Variants in CTNNA2 observed in about 807,000 individuals in gnomAD.
CTNNA2 encodes the protein catenin alpha 2, also known as catenin alpha-2.
CTNNA2 carries 42 observed loss-of-function variants against 101.0 expected under a neutral mutation model. That is an observed-to-expected ratio of 0.42 (90% CI 0.32 to 0.54). The LOEUF (loss-of-function observed/expected upper bound fraction) is 0.54. Among genes scored for constraint, CTNNA2 ranks in the 20% least tolerant of loss-of-function variants. The pLI is 0.14. For synonymous variants in CTNNA2, 450 were observed against 456.4 expected (o/e 0.99, Z 0.18); for missense variants, 871 against 1,223.1 (o/e 0.71, Z 4.29).
intron 3 of CTNNA2, among the ~76,000 whole-genome samples, chr2:79,321,967 A>G (rs143313937): frequency 2.0e-5 from 3 of 152,304 alleles, no homozygotes; most frequent in South Asian, 2.1e-4. Flanking sequence ...ATCCCCAACT[A>G]TGCCACTACT....
chr2:79,429,043 T>C (rs1001188344), intron 4 of CTNNA2, among the ~76,000 whole-genome samples: 5 of 152,160 alleles, frequency 3.3e-5, no homozygotes, highest in Admixed American at 3.3e-4. Context: ...CACCTCATTG[T>C]TGCAGGCTAC....
intron 2 of CTNNA2, among the ~76,000 whole-genome samples, chr2:79,657,368 AT>A (rs1229171277): frequency 2.0e-5 from 3 of 151,892 alleles, no homozygotes. Context: ...CTAGAAAAAA[AT>A]AAATTACTAA....
intron 1 of CTNNA2, among the ~76,000 whole-genome samples, chr2:79,577,198 T>C (rs1161859143): frequency 6.6e-6 from 1 of 152,130 alleles, no homozygotes; most frequent in East Asian, 1.9e-4. Context: ...CCTGGTATGA[T>C]TGTTGTTTAC....
At chr2:80,635,030 C>T (rs1200675602) in intron 18 of CTNNA2, among the ~76,000 whole-genome samples, 3 of 152,068 alleles carry the variant, frequency 2.0e-5, no homozygotes, top group Admixed American at 6.6e-5. Context: ...CTCTTCATGT[C>T]AAGAGGTGGT....
intron 8 of CTNNA2, among the ~76,000 whole-genome samples, chr2:80,393,882 C>A (rs146899072): frequency 2.8e-4 from 42 of 152,282 alleles, no homozygotes; most frequent in African/African-American, 1.0e-3. Context: ...CCTTTTTCTC[C>A]TTGAAAGTGT....
intron 4 of CTNNA2, among the ~76,000 whole-genome samples, chr2:79,440,834 A>C (rs905635460): frequency 1.3e-5 from 2 of 152,136 alleles, no homozygotes; most frequent in African/African-American, 4.8e-5. Context: ...CAGGTAGAAC[A>C]CCATAAAGCA....
chr2:79,924,919 G>A (rs1229171939), intron 7 of CTNNA2, among the ~76,000 whole-genome samples: 1 of 152,048 alleles, frequency 6.6e-6, no homozygotes, highest in Non-Finnish European at 1.5e-5. Context: ...TAGAAATCGG[G>A]CATTTATCAC....
chr2:80,135,606 C>G (rs1160904274), intron 7 of CTNNA2, among the ~76,000 whole-genome samples: 3 of 152,114 alleles, frequency 2.0e-5, no homozygotes, highest in African/African-American at 7.2e-5. Context: ...TAAATCTGTC[C>G]TGACCTCAGA....
chr2:79,474,709 G>A (rs1334043016), intron 4 of CTNNA2, among the ~76,000 whole-genome samples: 2 of 152,030 alleles, frequency 1.3e-5, no homozygotes, highest in Non-Finnish European at 2.9e-5. Flanking sequence ...ATTTCCAAAC[G>A]AAATTATTAT....
At chr2:79,720,164 G>A (rs991444807) in intron 2 of CTNNA2, among the ~76,000 whole-genome samples, 4 of 152,046 alleles carry the variant, frequency 2.6e-5, no homozygotes, top group African/African-American at 9.7e-5. Context: ...TTTCCCCATT[G>A]CTTGCTTTTG....
chr2:79,337,801 C>CA (rs946270264), intron 3 of CTNNA2, among the ~76,000 whole-genome samples: 75 of 143,644 alleles, frequency 5.2e-4, no homozygotes, highest in East Asian at 1.2e-3. Context: ...TGGAGAAAAA[C>CA]AAAAAAAAAA....
chr2:79,337,816 A>G (rs1427623289), intron 3 of CTNNA2, among the ~76,000 whole-genome samples: 3 of 152,312 alleles, frequency 2.0e-5, no homozygotes, highest in East Asian at 3.9e-4. Context: ...AAAAAAGATC[A>G]CATTATTTTG....
intron 3 of CTNNA2, among the ~76,000 whole-genome samples, chr2:79,840,139 G>C (rs1679691266): frequency 6.6e-6 from 1 of 152,224 alleles, no homozygotes; most frequent in Non-Finnish European, 1.5e-5. Context: ...AATTATGAAT[G>C]AAACCATGCA....
chr2:79,983,798 C>T (rs113258268), intron 7 of CTNNA2, among the ~76,000 whole-genome samples: 3,791 of 152,190 alleles, frequency 0.025, 72 homozygotes, highest in Non-Finnish European at 0.038. Flanking sequence ...TACTGCAAAG[C>T]CATTGCTTCT....
chr2:79,496,905 C>G (rs1182905341), intron 4 of CTNNA2, among the ~76,000 whole-genome samples: 2 of 152,064 alleles, frequency 1.3e-5, no homozygotes, highest in African/African-American at 4.8e-5. Context: ...TCAGAAAATG[C>G]TTTCTTTACT....
chr2:79,668,037 G>A (rs1319111214), intron 2 of CTNNA2, among the ~76,000 whole-genome samples: 7 of 149,830 alleles, frequency 4.7e-5, no homozygotes, highest in African/African-American at 9.8e-5. Flanking sequence ...TCAGGAGATC[G>A]AGACCATCCT....
chr2:79,767,939 AG>A (rs1673281765), intron 3 of CTNNA2, among the ~76,000 whole-genome samples: 1 of 151,700 alleles, frequency 6.6e-6, no homozygotes, highest in Admixed American at 6.6e-5. Flanking sequence ...TAGTCACCCC[AG>A]CTAGTATGTC....
At chr2:80,642,335 G>T (rs557412863) in intron 18 of CTNNA2, among the ~76,000 whole-genome samples, 2 of 151,954 alleles carry the variant, frequency 1.3e-5, no homozygotes, top group African/African-American at 2.4e-5. Flanking sequence ...TTAGCATCTC[G>T]CATCCTACTA....
At chr2:79,465,530 A>G (rs937277241) in intron 4 of CTNNA2, among the ~76,000 whole-genome samples, 1 of 152,088 alleles carries the variant, frequency 6.6e-6, no homozygotes, top group Non-Finnish European at 1.5e-5. Context: ...AAGTCATTGG[A>G]AGCTTGATGG....
Sources: gnomAD v4.1 joint callset for allele counts (sites outside exome capture counted in the v4.1 genomes callset) on GRCh38, gnomAD v4.1.1 for gene constraint, MANE v1.5 for transcripts, NCBI Gene and HGNC (gene_info 2026-07-23, HGNC 2026-07-21) for gene names.